The following ANAPC4 variants were observed in gnomAD, a reference collection of about 807,000 sequenced individuals.
ANAPC4 encodes anaphase-promoting complex subunit 4.
A neutral mutation model predicts 119.8 loss-of-function variants in ANAPC4; 63 were observed. The observed-to-expected ratio is 0.53, with a 90% CI of 0.43 to 0.65. The LOEUF is 0.65. Among genes scored for constraint, ANAPC4 ranks in the 30% least tolerant of loss-of-function variants. ANAPC4 has a pLI of 0.00. For missense variants in ANAPC4, 716 were observed against 945.1 expected (o/e 0.76, Z 3.18); for synonymous variants, 283 against 318.6 (o/e 0.89, Z 1.19).
intron 16 of ANAPC4, among the ~76,000 whole-genome samples, chr4:25,397,557 A>G (rs1425127205): frequency 6.6e-6 from 1 of 152,220 alleles, no homozygotes; most frequent in East Asian, 1.9e-4. Context: ...AAAAGCAGAC[A>G]TAGAAGGTAA....
At chr4:25,408,625 C>T (rs1723401800) in intron 20 of ANAPC4, among the ~76,000 whole-genome samples, 1 of 151,912 alleles carries the variant, frequency 6.6e-6, no homozygotes, top group South Asian at 2.1e-4. Flanking sequence ...TCGGACTCGC[C>T]TCTTGTAGCT....
At chr4:25,395,138 G>GT in intron 14 of ANAPC4, 2 of 389,066 alleles carry the variant, frequency 5.1e-6, no homozygotes, top group South Asian at 1.3e-4. Flanking sequence ...CTCTATCTGG[G>GT]TTTTTTTCTT....
chr4:25,377,745 G>A (rs1325810984), intron 2 of ANAPC4, among the ~76,000 whole-genome samples, 189 bp downstream of exon 2: 1 of 152,224 alleles, frequency 6.6e-6, no homozygotes, highest in Non-Finnish European at 1.5e-5. Flanking sequence ...GTATATATGC[G>A]AAAGGTGATG....
intron 9 of ANAPC4, among the ~76,000 whole-genome samples, 178 bp from the exon 10 acceptor site, chr4:25,392,160 A>G (rs967109174): frequency 6.6e-6 from 1 of 152,216 alleles, no homozygotes; most frequent in Non-Finnish European, 1.5e-5. Flanking sequence ...TGATTTGTGT[A>G]TGGTTATGTG....
chr4:25,415,885 G>C (rs907702568), intron 26 of ANAPC4: 1 of 201,412 alleles, frequency 5.0e-6, no homozygotes, highest in Non-Finnish European at 9.8e-6. Flanking sequence ...CATTCTTAGT[G>C]ATGGGAGATT....
chr4:25,403,881 G>A (rs1421772314), intron 17 of ANAPC4, among the ~76,000 whole-genome samples: 1 of 152,198 alleles, frequency 6.6e-6, no homozygotes, highest in Non-Finnish European at 1.5e-5. Context: ...CAGGTAGTTA[G>A]TAAGTATTTG....
chr4:25,403,298 AATAC>A (rs1723077703), intron 17 of ANAPC4, among the ~76,000 whole-genome samples: 1 of 152,214 alleles, frequency 6.6e-6, no homozygotes, highest in Non-Finnish European at 1.5e-5. Flanking sequence ...ATGATAATCT[AATAC>A]ATTCATATAA....
At position 25,405,728 on chromosome 4, in the gene ANAPC4, A is replaced by T; in HGVS notation, c.1317+109A>T. On this transcript the variant is annotated intron_variant, in intron 18 of 28. Coordinates refer to ENST00000315368, the MANE Select transcript of ANAPC4 (RefSeq NM_013367.3). The surrounding 1 kb of genome is among the most constrained non-coding windows in gnomAD (Gnocchi z 4.6). ...AGTTATTAGTTAACAGGATGTCAGG[A>T]TGTAGACGTTAGATCCCTTAAGCAC... 9.2e-7 allele frequency: 1 copy of T among 1,087,560 alleles called. No individual in the cohort carries two copies. Among genetic ancestry groups the T allele is most frequent in the Non-Finnish European group, 1.4e-6 (1 of 726,902 alleles). The allele number at this position is 1,087,560 out of a possible 1,614,324, so 67.4% of individuals were successfully genotyped here.
At chr4:25,414,546 T>C in intron 24 of ANAPC4, 42 bp downstream of exon 24, 1 of 1,575,364 alleles carries the variant, frequency 6.3e-7, no homozygotes, top group Non-Finnish European at 8.6e-7. Context: ...AACAATACAA[T>C]TTTGTTTTAT....
At chr4:25,386,562 A>G (rs558046188) in intron 4 of ANAPC4, among the ~76,000 whole-genome samples, 3 of 152,236 alleles carry the variant, frequency 2.0e-5, no homozygotes, top group Non-Finnish European at 2.9e-5. Flanking sequence ...AACAATTATA[A>G]TAGTAACATC....
chr4:25,406,782 C>A, intron 18 of ANAPC4, 47 bp from the exon 19 acceptor site: 2 of 1,362,308 alleles, frequency 1.5e-6, no homozygotes, highest in Non-Finnish European at 2.1e-6. Context: ...TTTTATTGAG[C>A]AGCTTTCTTT....
intron 2 of ANAPC4, among the ~76,000 whole-genome samples, chr4:25,379,005 A>G (rs1721570454): frequency 6.6e-6 from 1 of 152,144 alleles, no homozygotes. Flanking sequence ...ATGTGTGGGG[A>G]GAGGGACAGT....
At chr4:25,395,577 G>A (rs1353036723) in intron 14 of ANAPC4, among the ~76,000 whole-genome samples, 1 of 152,130 alleles carries the variant, frequency 6.6e-6, no homozygotes, top group Non-Finnish European at 1.5e-5. Flanking sequence ...AGCCTCTCAA[G>A]TAGCTGGGAT....
chr4:25,385,379 A>G (rs1302486072), intron 4 of ANAPC4, among the ~76,000 whole-genome samples: 3 of 152,228 alleles, frequency 2.0e-5, no homozygotes, highest in African/African-American at 7.2e-5. Context: ...TCCATTGAAA[A>G]TCTGTTGTTG....
chr4:25,399,541 T>C (rs935833541), intron 16 of ANAPC4, among the ~76,000 whole-genome samples: 3 of 152,180 alleles, frequency 2.0e-5, no homozygotes, highest in African/African-American at 7.2e-5. Context: ...CCAGAAATAC[T>C]ACATAATTGG....
chr4:25,415,669 C>A, intron 26 of ANAPC4, 129 bp downstream of exon 26: 1 of 684,064 alleles, frequency 1.5e-6, no homozygotes, highest in Non-Finnish European at 2.4e-6. Flanking sequence ...ACATCAAGGG[C>A]AGGATTCTTT....
chr4:25,405,918 AT>A lies in ANAPC4; in HGVS notation c.1317+300del, dbSNP rs953518138. On this transcript the variant is annotated intron_variant, in intron 18 of 28. Transcript: ENST00000315368. The surrounding 1 kb of genome is among the most constrained non-coding windows in gnomAD (Gnocchi z 4.6). Reference sequence around the variant, plus strand: ...TTACTTTGACTTCCTTAAATTTTAAATGCTTCTTATTTTCCTTGGAAATCAG... The same window carrying A: ...TTACTTTGACTTCCTTAAATTTTAAAGCTTCTTATTTTCCTTGGAAATCAG... Among the ~76,000 whole-genome samples the A allele has an allele frequency of 1.3e-5, 2 of 152,194 alleles. No individual in the cohort carries two copies. Among genetic ancestry groups the A allele is most frequent in the African/African-American group, 4.8e-5 (2 of 41,452 alleles).
chr4:25,381,714 C>T (rs1721737411), intron 3 of ANAPC4, among the ~76,000 whole-genome samples: 1 of 152,076 alleles, frequency 6.6e-6, no homozygotes, highest in African/African-American at 2.4e-5. Context: ...CTTTGGGAGG[C>T]TGAGGTAGGT....
intron 14 of ANAPC4, among the ~76,000 whole-genome samples, 165 bp from the exon 15 acceptor site, chr4:25,396,499 G>A (rs1379417271): frequency 6.6e-6 from 1 of 152,212 alleles, no homozygotes; most frequent in Non-Finnish European, 1.5e-5. Flanking sequence ...TGACCAGATG[G>A]TTCTGCTGCA....
Sources: gnomAD v4.1 joint callset for allele counts (sites outside exome capture counted in the v4.1 genomes callset) on GRCh38, gnomAD v4.1.1 for gene constraint, Gnocchi (gnomAD v3.1) non-coding constraint, MANE v1.5 for transcripts, NCBI Gene and HGNC (gene_info 2026-07-23, HGNC 2026-07-21) for gene names.